Variants in USP6NL observed in about 807,000 individuals in gnomAD.
The protein encoded by USP6NL is USP6 N-terminal like.
USP6NL carries 26 observed loss-of-function variants against 61.9 expected under a neutral mutation model. That is an observed-to-expected ratio of 0.42 (90% confidence interval 0.31 to 0.58). USP6NL has a LOEUF of 0.58. Among genes scored for constraint, USP6NL ranks in the 20% least tolerant of loss-of-function variants. USP6NL has a pLI of 0.16. For missense variants in USP6NL, 1,114 were observed against 1,034.3 expected (o/e 1.08, Z -1.06); for synonymous variants, 432 against 390.1 (o/e 1.11, Z -1.27).
At chr10:11,488,939 T>C (rs967209088) in intron 10 of USP6NL, among the ~76,000 whole-genome samples, 163 bp downstream of exon 10, 3 of 152,196 alleles carry the variant, frequency 2.0e-5, no homozygotes, top group Non-Finnish European at 2.9e-5. Context: ...AAAAGTTCAA[T>C]AATGAAAAAT....
intron 2 of USP6NL, among the ~76,000 whole-genome samples, chr10:11,527,977 A>T (rs1256271281): frequency 2.6e-5 from 4 of 152,182 alleles, no homozygotes. Flanking sequence ...ATAAACTAGC[A>T]CAAGATACAA....
chr10:11,472,708 C>T (rs1343335953), intron 14 of USP6NL, among the ~76,000 whole-genome samples: 2 of 152,186 alleles, frequency 1.3e-5, no homozygotes, highest in Admixed American at 1.3e-4. Context: ...ACAATTCAAA[C>T]ACTTGTAGCT....
In USP6NL at chr10:11,532,942, CTGTTT is replaced by C. The variant is rs1835714222; in HGVS notation, c.5-5380_5-5376del. Among the ~76,000 whole-genome samples the C allele has an allele frequency of 6.6e-6, 1 of 152,168 alleles. No homozygotes were observed. Among genetic ancestry groups the C allele is most frequent in the Admixed American group, 6.5e-5 (1 of 15,278 alleles). Reference sequence around the variant, plus strand: ...AGATGGCACTACAAATTTTTCCATTCTGTTTTATTTACTCCTTCCTTCTTCCCTTC... The same window carrying C: ...AGATGGCACTACAAATTTTTCCATTCTATTTACTCCTTCCTTCTTCCCTTC... On this transcript the variant is annotated intron_variant, in intron 2 of 14. Coordinates refer to ENST00000609104, the MANE Select transcript of USP6NL (RefSeq NM_014688.5). The surrounding 1 kb of genome is among the most constrained non-coding windows in gnomAD (Gnocchi z 4.1).
chr10:11,507,330 T>C (rs1467153612), intron 6 of USP6NL, among the ~76,000 whole-genome samples: 2 of 152,226 alleles, frequency 1.3e-5, no homozygotes, highest in Non-Finnish European at 2.9e-5. Context: ...TTGTCAAATG[T>C]AGGCCAATCT....
intron 5 of USP6NL, among the ~76,000 whole-genome samples, chr10:11,515,268 T>C (rs1246783861): frequency 1.3e-5 from 2 of 152,206 alleles, no homozygotes; most frequent in African/African-American, 4.8e-5. Context: ...ATAATTCAGA[T>C]AGTAAAGGCT....
At chr10:11,552,961 C>A (rs1836549318) in intron 2 of USP6NL, among the ~76,000 whole-genome samples, 1 of 152,128 alleles carries the variant, frequency 6.6e-6, no homozygotes, top group Non-Finnish European at 1.5e-5. Context: ...AATTTTCAAA[C>A]CTCACCCACC....
At chr10:11,517,999 A>G (rs1835030496) in intron 5 of USP6NL, among the ~76,000 whole-genome samples, 1 of 152,232 alleles carries the variant, frequency 6.6e-6, no homozygotes, top group Non-Finnish European at 1.5e-5. Flanking sequence ...TAACGAGGAA[A>G]GATTTTTAAA....
In USP6NL at chr10:11,598,970, C is replaced by A. The variant is rs1838419976; in HGVS notation, c.-83-1253G>T. Reference sequence around the variant, plus strand: ...CCAACCCACATGCTTTCCTCTTTATCTGTCCACTTAAATGATTTCCATTTC... The same window carrying A: ...CCAACCCACATGCTTTCCTCTTTATATGTCCACTTAAATGATTTCCATTTC... On this transcript the variant is annotated intron_variant, in intron 1 of 14. Transcript: ENST00000609104. The surrounding 1 kb of genome is among the most constrained non-coding windows in gnomAD (Gnocchi z 4.7). 1.3e-5 allele frequency among the ~76,000 whole-genome samples: 2 copies of A among 152,372 alleles called. No homozygotes were observed. The highest frequency in any genetic ancestry group is 4.1e-4 in the South Asian group (2 of 4,832).
chr10:11,462,626 GAAAGGCTGAGT>G lies in USP6NL; in HGVS notation c.2291_2301del (p.Tyr764SerfsTer17). On this transcript the variant is annotated frameshift_variant, in exon 15 of 15. Transcript: ENST00000609104. LOFTEE classifies it low-confidence loss of function (END_TRUNC). ...CCATGGTCCTGAAAGGGTGCGAGTT[GAAAGGCTGAGT>G]ATTTTGGTAAATTGCCACGGCTAGC... 1 of 1,614,012 alleles carries G rather than the reference GAAAGGCTGAGT, an allele frequency of 6.2e-7. No individual in the cohort carries two copies. Among genetic ancestry groups the G allele is most frequent in the East Asian group, 2.2e-5 (1 of 44,874 alleles).
At chr10:11,570,297 G>A (rs750999647) in intron 2 of USP6NL, among the ~76,000 whole-genome samples, 5 of 152,056 alleles carry the variant, frequency 3.3e-5, no homozygotes, top group Admixed American at 6.6e-5. Flanking sequence ...ATATCTCTAC[G>A]CCCTTGCATC....
rs144845058 is a variant in USP6NL at position 11,496,219 on chromosome 10, T to C, written c.385-2991A>G. On this transcript the variant is annotated intron_variant, in intron 7 of 14. Transcript: ENST00000609104. This position sits in a 1 kb window ranked among gnomAD's most constrained non-coding sequence, Gnocchi z 5.4. ...CAAACCTCCAGTCTTGGGCTAGCACTGAGGGAGCTAAGGAGCTCTAACTGC... is the reference window on the plus strand; with the variant it reads ...CAAACCTCCAGTCTTGGGCTAGCACCGAGGGAGCTAAGGAGCTCTAACTGC... Among the ~76,000 whole-genome samples, 10 of 152,362 alleles carry C rather than the reference T, an allele frequency of 6.6e-5. No homozygotes were observed. Among genetic ancestry groups the C allele is most frequent in the Non-Finnish European group, 1.2e-4 (8 of 68,030 alleles).
Position 11,602,020 on chromosome 10 carries a change from T to C in USP6NL, c.-83-4303A>G, listed in dbSNP as rs929892001. 2.0e-5 allele frequency among the ~76,000 whole-genome samples: 3 copies of C among 152,222 alleles called. No homozygotes were observed. Among genetic ancestry groups the C allele is most frequent in the Non-Finnish European group, 2.9e-5 (2 of 68,038 alleles). On this transcript the variant is annotated intron_variant, in intron 1 of 14. Coordinates refer to ENST00000609104, the MANE Select transcript of USP6NL (RefSeq NM_014688.5). This position sits in a 1 kb window ranked among gnomAD's most constrained non-coding sequence, Gnocchi z 4.8. ...AAAAAAAAGAAGAAAATGTCCTTCA[T>C]TGATGTATTATTTGTAATAGCAATA...
At position 11,532,544 on chromosome 10, in the gene USP6NL, C is replaced by T. The variant is rs1483843135; in HGVS notation, c.5-4977G>A. On this transcript the variant is annotated intron_variant, in intron 2 of 14. Coordinates refer to ENST00000609104, the MANE Select transcript of USP6NL (RefSeq NM_014688.5). The surrounding 1 kb of genome is among the most constrained non-coding windows in gnomAD (Gnocchi z 4.1). The stretch of plus-strand genomic sequence containing the variant: ...CCCAACTATGAGGCACACCAGCCTA[C>T]ACCAGCATTCCATCCGCTAACAAAC... Among the ~76,000 whole-genome samples, 1 of 152,226 alleles carries T rather than the reference C, an allele frequency of 6.6e-6. No individual in the cohort carries two copies. The highest frequency in any genetic ancestry group is 1.5e-5 in the Non-Finnish European group (1 of 68,042).
In USP6NL at chr10:11,520,094, T is replaced by C. The variant is rs1040146773; in HGVS notation, c.156-1520A>G. Among the ~76,000 whole-genome samples, 3 of 152,184 alleles carry C rather than the reference T, an allele frequency of 2.0e-5. No homozygotes were observed. The highest frequency in any genetic ancestry group is 1.9e-4 in the East Asian group (1 of 5,200). On this transcript the variant is annotated intron_variant, in intron 4 of 14. Coordinates refer to ENST00000609104, the MANE Select transcript of USP6NL (RefSeq NM_014688.5). The surrounding 1 kb of genome is among the most constrained non-coding windows in gnomAD (Gnocchi z 5.2). ...TCCAAATCTCTCATTTCACAGATAATACAACTAACATTTTCACTTAGTCGA... is the reference window on the plus strand; with the variant it reads ...TCCAAATCTCTCATTTCACAGATAACACAACTAACATTTTCACTTAGTCGA...
At position 11,510,979 on chromosome 10, in the gene USP6NL, T is replaced by A. The variant is rs567513280; in HGVS notation, c.196-1304A>T. Among the ~76,000 whole-genome samples the A allele has an allele frequency of 6.6e-6, 1 of 152,220 alleles. No homozygotes were observed. Among genetic ancestry groups the A allele is most frequent in the African/African-American group, 2.4e-5 (1 of 41,464 alleles). On this transcript the variant is annotated intron_variant, in intron 5 of 14. Transcript: ENST00000609104. The surrounding 1 kb of genome is among the most constrained non-coding windows in gnomAD (Gnocchi z 4.8). ...GGAAGCAGCAGCTCCTTACTGACTG[T>A]CTGCAATCCAGCCTCAAACAGGCAG...
In USP6NL at chr10:11,463,738, G is replaced by C; in HGVS notation, c.1190C>G (p.Pro397Arg). The C allele has an allele frequency of 6.3e-7, 1 of 1,599,976 alleles. No individual in the cohort carries two copies. Among genetic ancestry groups the C allele is most frequent in the Non-Finnish European group, 8.5e-7 (1 of 1,172,150 alleles). The change falls in exon 15 of 15, where the codon CCG becomes CGG. Residue 397 changes from proline (P) to arginine (R), a missense_variant. Physicochemically the swap from Pro to Arg is moderately radical, Grantham distance 103 (BLOSUM62 -2). Transcript: ENST00000609104. This position sits in a 1 kb window ranked among gnomAD's most constrained non-coding sequence, Gnocchi z 6.3. Reference protein sequence around the residue: ...NGQRSVGRPSPLASGRRESGA... With the variant: ...NGQRSVGRPSRLASGRRESGA... ...GCTCTCCCTCCTGCCGCTGGCCAGC[G>C]GGCTCGGCCGGCCCACGCTCCTCTG...
chr10:11,463,369 G>A lies in USP6NL; in HGVS notation c.1559C>T (p.Pro520Leu). 6.2e-7 allele frequency: 1 copy of A among 1,614,000 alleles called. No homozygotes were observed. The highest frequency in any genetic ancestry group is 8.5e-7 in the Non-Finnish European group (1 of 1,179,898). ...AAHPALAVTV[P>L]GPAEVRVSNV... is the part of the protein sequence containing the mutation. ...TGACACCCGCACCTCGGCAGGACCT[G>A]GGACGGTAACTGCGAGCGCGGGGTG... The change falls in exon 15 of 15, where the codon CCA becomes CTA. Residue 520 changes from proline to leucine, a missense_variant. Transcript: ENST00000609104. This position sits in a 1 kb window ranked among gnomAD's most constrained non-coding sequence, Gnocchi z 6.3.
At chr10:11,492,624 C>G (rs1294968031) in intron 8 of USP6NL, among the ~76,000 whole-genome samples, 1 of 152,218 alleles carries the variant, frequency 6.6e-6, no homozygotes, top group Non-Finnish European at 1.5e-5. Flanking sequence ...TAACATATAT[C>G]TCCTATTGGT....
intron 4 of USP6NL, among the ~76,000 whole-genome samples, chr10:11,522,562 T>C (rs1005242290): frequency 2.0e-5 from 3 of 152,246 alleles, no homozygotes; most frequent in Non-Finnish European, 4.4e-5. Flanking sequence ...ATTACCCTAA[T>C]ATCCATTTCT....
Sources: gnomAD v4.1 joint callset for allele counts (sites outside exome capture counted in the v4.1 genomes callset) on GRCh38, gnomAD v4.1.1 for gene constraint, Gnocchi (gnomAD v3.1) non-coding constraint, MANE v1.5 for transcripts, NCBI Gene and HGNC (gene_info 2026-07-23, HGNC 2026-07-21) for gene names.